Variants in MNS1 observed in about 807,000 individuals in gnomAD.
The protein encoded by MNS1 is meiosis-specific nuclear structural protein 1.
Under a neutral mutation model 72.0 loss-of-function variants are expected in MNS1, and 63 were observed. That is an observed-to-expected ratio of 0.87 (90% confidence interval 0.71 to 1.08). The LOEUF (loss-of-function observed/expected upper bound fraction) is 1.08. Ranked by LOEUF, MNS1 falls within the 50% of genes least tolerant of loss-of-function variation. The pLI is 0.00. For missense variants in MNS1, 604 were observed against 562.4 expected (o/e 1.07, Z -0.75); for synonymous variants, 188 against 172.1 (o/e 1.09, Z -0.72).
intron 4 of MNS1, chr15:56,445,762 A>G (rs1416966538): frequency 1.3e-5 from 2 of 152,028 alleles, no homozygotes; most frequent in African/African-American, 2.4e-5. Context: ...CATTTTGTGG[A>G]TCAATTTTTA....
At chr15:56,461,975 G>GTTGTTTTTTTTTTTTTTTT (rs1555449789) in intron 2 of MNS1, among the ~76,000 whole-genome samples, 1 of 97,916 alleles carries the variant, frequency 1.0e-5, no homozygotes, top group African/African-American at 3.8e-5. Flanking sequence ...TTTTGTTGTT[G>GTTGTTTTTTTTTTTTTTTT]TTTTTTTTTT....
chr15:56,433,829 T>C (rs1439820791), intron 8 of MNS1, among the ~76,000 whole-genome samples: 1 of 152,198 alleles, frequency 6.6e-6, no homozygotes, highest in East Asian at 1.9e-4. Flanking sequence ...TAACCTATTA[T>C]CACATGTACA....
rs1398383830 is a variant in MNS1 at position 56,446,885 on chromosome 15, C to T, written c.412G>A (p.Ala138Thr). The change falls in exon 4 of 10, where the codon GCA becomes ACA. Residue 138 changes from alanine (A) to threonine (T), a missense_variant. By Grantham distance (58) the Ala-to-Thr change is moderately conservative. Transcript: ENST00000260453. ...LKAAYMNKERAAQIAEKDAIK... is the reference protein window; with the variant it reads ...LKAAYMNKERTAQIAEKDAIK... ...GCATCCTTTTCAGCAATCTGAGCTG[C>T]CCTTTCTTTATTCATGTAAGCTGCT... 2 of 1,610,596 alleles carry T rather than the reference C, an allele frequency of 1.2e-6. No individual in the cohort carries two copies. The highest frequency in any genetic ancestry group is 1.7e-6 in the Non-Finnish European group (2 of 1,179,102).
chr15:56,446,623 A>T (rs2050906099), intron 4 of MNS1, among the ~76,000 whole-genome samples: 1 of 152,078 alleles, frequency 6.6e-6, no homozygotes, highest in African/African-American at 2.4e-5. Context: ...TACTGAATAT[A>T]GCTGGTCATT....
chr15:56,451,441 A>G lies in MNS1; in HGVS notation c.354-4498T>C, dbSNP rs569297086. Among the ~76,000 whole-genome samples, 6 of 152,228 alleles carry G rather than the reference A, an allele frequency of 3.9e-5. No homozygotes were observed. In the South Asian group the frequency reaches 1.2e-3, roughly 32 times the overall value. On this transcript the variant is annotated intron_variant, in intron 3 of 9. Coordinates refer to ENST00000260453, the MANE Select transcript of MNS1 (RefSeq NM_018365.4). ...TGATTGCAATAAACCTTTGAATGCT[A>G]CCCAAATTTCTTATAAAATTGGTTC...
rs147344343 is a variant in MNS1, at chr15:56,429,101, T to C, written c.1488A>G (p.Ter496TrpextTer16). ...TATGCTTTACCCAATTTTGATGATA[T>C]CATTTCTCTTCACAAATTTCACTCC... Reference protein sequence around the residue: ...QQRSEICEEK* With the variant: ...QQRSEICEEKW The change falls in exon 10 of 10, where the codon TGA (stop) becomes TGG (tryptophan). Residue 496 changes from the stop codon to tryptophan, a stop_lost. Coordinates refer to ENST00000260453, the MANE Select transcript of MNS1 (RefSeq NM_018365.4). The C allele has an allele frequency of 1.8e-5, 29 of 1,577,390 alleles. No homozygotes were observed. Among genetic ancestry groups the C allele is most frequent in the East Asian group, 4.6e-5 (2 of 43,834 alleles).
intron 2 of MNS1, among the ~76,000 whole-genome samples, chr15:56,459,829 A>G (rs930533026): frequency 1.3e-5 from 2 of 150,020 alleles, no homozygotes; most frequent in Admixed American, 1.3e-4. Context: ...CATCCCTACT[A>G]AAAATACAGA....
At chr15:56,453,214 C>G (rs1172040928) in intron 3 of MNS1, among the ~76,000 whole-genome samples, 2 of 152,088 alleles carry the variant, frequency 1.3e-5, no homozygotes, top group African/African-American at 2.4e-5. Context: ...TCCCAAAAGA[C>G]ATAATAAATA....
intron 7 of MNS1, among the ~76,000 whole-genome samples, chr15:56,441,079 T>C (rs1383047386): frequency 2.0e-5 from 3 of 152,192 alleles, no homozygotes; most frequent in Admixed American, 1.3e-4. Flanking sequence ...TTTGGAATGC[T>C]GTTTTTTGAA....
At chr15:56,460,022 A>ATG (rs2051010221) in intron 2 of MNS1, among the ~76,000 whole-genome samples, 1 of 96,330 alleles carries the variant, frequency 1.0e-5, no homozygotes, top group Non-Finnish European at 2.2e-5. Flanking sequence ...ACATATATAT[A>ATG]TATATATATA....
At chr15:56,434,443 A>G in intron 7 of MNS1, 48 bp from the exon 8 acceptor site, 2 of 1,528,406 alleles carry the variant, frequency 1.3e-6, no homozygotes, top group Middle Eastern at 3.7e-4. Context: ...TCCTTACACC[A>G]GATTTATAAG....
chr15:56,441,741 A>G (rs1200693794), intron 7 of MNS1, among the ~76,000 whole-genome samples: 2 of 152,194 alleles, frequency 1.3e-5, no homozygotes, highest in Non-Finnish European at 2.9e-5. Context: ...CTGGCCAGGC[A>G]CGGTGGCTCA....
At position 56,434,150 on chromosome 15, in the gene MNS1, G is replaced by C; in HGVS notation, c.1257C>G (p.Phe419Leu). Residue 419 changes from phenylalanine (F) to leucine (L), a missense_variant, in exon 8 of 10, where the codon TTC becomes TTG. Transcript: ENST00000260453. ...AACTTTTTCTTACTTTGTCTGCAAGGAATTGTTGGCGACGCTCTTCAATAA... is the reference window on the plus strand; with the variant it reads ...AACTTTTTCTTACTTTGTCTGCAAGCAATTGTTGGCGACGCTCTTCAATAA... The part of the protein sequence containing the change: ...EKLIEERRQQ[F>L]LADKQRELEE... 1 of 1,610,012 alleles carries C rather than the reference G, an allele frequency of 6.2e-7. No homozygotes were observed. The highest frequency in any genetic ancestry group is 8.5e-7 in the Non-Finnish European group (1 of 1,178,704).
chr15:56,433,865 A>G (rs929052120), intron 8 of MNS1, among the ~76,000 whole-genome samples: 3 of 152,132 alleles, frequency 2.0e-5, no homozygotes, highest in African/African-American at 4.8e-5. Flanking sequence ...TACTTTTTAT[A>G]TATTTTTCTT....
intron 3 of MNS1, among the ~76,000 whole-genome samples, chr15:56,452,889 A>G (rs2050957131): frequency 6.6e-6 from 1 of 152,174 alleles, no homozygotes. Context: ...GAACCTTCTC[A>G]AAAGCCTAGT....
At chr15:56,440,915 A>G (rs1241362208) in intron 7 of MNS1, among the ~76,000 whole-genome samples, 1 of 152,080 alleles carries the variant, frequency 6.6e-6, no homozygotes, top group Non-Finnish European at 1.5e-5. Context: ...GGTTATTTCT[A>G]CTTTTAGACT....
At chr15:56,461,975 G>GTTT (rs56022687) in intron 2 of MNS1, among the ~76,000 whole-genome samples, 141 of 97,776 alleles carry the variant, frequency 1.4e-3, no homozygotes, top group Non-Finnish European at 2.0e-3. Flanking sequence ...TTTTGTTGTT[G>GTTT]TTTTTTTTTT....
Position 56,464,835 on chromosome 15 carries a change from C to T in MNS1, c.3+135G>A, listed in dbSNP as rs2140387281. ...CGTCCCTTCTAATAGCACCTGAAGC[C>T]TCCGAAAGCAAATACAAGTTCCCCA... On this transcript the variant is annotated intron_variant, in intron 1 of 9. Coordinates refer to ENST00000260453, the MANE Select transcript of MNS1 (RefSeq NM_018365.4). The T allele has an allele frequency of 2.3e-6, 3 of 1,303,342 alleles. No homozygotes were observed. The South Asian group carries it at 4.1e-5, about 18-fold the overall frequency. The allele number at this position is 1,303,342 out of a possible 1,614,324, so 80.7% of individuals were successfully genotyped here.
rs138674300 is a variant in MNS1, at chr15:56,439,097, G to A, written c.1011+4333C>T. On this transcript the variant is annotated intron_variant, in intron 7 of 9. Coordinates refer to ENST00000260453, the MANE Select transcript of MNS1 (RefSeq NM_018365.4). ...TAACAAGTGAATTCAGCAAGGTTGT[G>A]AGATACAAGATAAACACAAAAATAT... Among the ~76,000 whole-genome samples, 18 of 152,256 alleles carry A rather than the reference G, an allele frequency of 1.2e-4. No individual in the cohort carries two copies. In the East Asian group the frequency reaches 1.9e-3, roughly 16 times the overall value.
Sources: allele counts gnomAD v4.1 joint callset (sites outside exome capture counted in the v4.1 genomes callset), GRCh38; gene constraint gnomAD v4.1.1; transcripts MANE v1.5; gene names NCBI Gene and HGNC (gene_info 2026-07-23, HGNC 2026-07-21).